C2CD2: variants seen among roughly 807,000 people sequenced by gnomAD.
C2CD2 encodes C2 domain-containing protein 2.
Under a neutral mutation model 74.3 loss-of-function variants are expected in C2CD2, and 43 were observed. That is an observed-to-expected ratio of 0.58 (90% CI 0.45 to 0.75). The LOEUF (loss-of-function observed/expected upper bound fraction) is 0.75, where lower values mean the gene tolerates loss of function less well. Ranked by LOEUF, C2CD2 falls within the 30% of genes least tolerant of loss-of-function variation. The probability of loss-of-function intolerance (pLI) is 0.00; values close to 1 mark genes in which losing one functional copy is unlikely to be tolerated. For missense variants in C2CD2, 801 were observed against 916.3 expected, an observed-to-expected ratio of 0.87 and a Z score of 1.63; for synonymous variants, 422 against 390.7, an observed-to-expected ratio of 1.08 and a Z score of -0.94.
Position 41,901,718 on chromosome 21 carries a change from C to A in C2CD2, c.1464G>T (p.Val488=). Reference sequence around the variant, plus strand: ...TGAGCTGTCGAATGGCCACTTCAGCCACTGGATCCGAACCATTCAACACCA... The same window carrying A: ...TGAGCTGTCGAATGGCCACTTCAGCAACTGGATCCGAACCATTCAACACCA... ...ELLVLNGSDP[V]AEVAIRQLSE... The change falls in exon 12 of 14, where the codon GTG becomes GTT. Residue 488 remains valine (V), a synonymous_variant. Coordinates refer to ENST00000380486, the MANE Select transcript of C2CD2 (RefSeq NM_015500.2). 1 of 1,613,964 alleles carries A rather than the reference C, an allele frequency of 6.2e-7. No homozygotes were observed.
chr21:41,894,235 C>T (rs558953626), intron 13 of C2CD2, among the ~76,000 whole-genome samples: 1 of 152,320 alleles, frequency 6.6e-6, no homozygotes, highest in African/African-American at 2.4e-5. Flanking sequence ...TATTCCCCAG[C>T]CGCCTCTGAG....
chr21:41,947,139 T>TCTCTCC (rs1365076208), intron 1 of C2CD2, among the ~76,000 whole-genome samples: 1 of 122,286 alleles, frequency 8.2e-6, no homozygotes, highest in Non-Finnish European at 1.7e-5. Flanking sequence ...TCTCTCTCTC[T>TCTCTCC]CCCTCCCTCC....
At position 41,936,649 on chromosome 21, in the gene C2CD2, A is replaced by AT. The variant is rs930914601; in HGVS notation, c.378+5497dup. 7.3e-5 allele frequency among the ~76,000 whole-genome samples: 11 copies of AT among 151,620 alleles called. 1 individual carries two copies. The highest frequency in any genetic ancestry group is 1.5e-4 in the African/African-American group (6 of 41,082). On this transcript the variant is annotated intron_variant, in intron 2 of 13. Coordinates refer to ENST00000380486, the MANE Select transcript of C2CD2 (RefSeq NM_015500.2). Reference sequence around the variant, plus strand: ...ACTGCACAGGTCCACTAATACATAGATTTTTTCCCACCTCTGCCACCCCTG... The same window carrying AT: ...ACTGCACAGGTCCACTAATACATAGATTTTTTTCCCACCTCTGCCACCCCTG...
Position 41,953,645 on chromosome 21 carries a change from C to A in C2CD2, c.4G>T (p.Ala2Ser). ...AGCCACGAGCCCAGCCGGGCCATGG[C>A]CATGGCGCATCCCCGGCCCGCCTCG... MAMARLGSWLGE... is the reference protein window; with the variant it reads MSMARLGSWLGE... The change falls in exon 1 of 14, where the codon GCC (alanine) becomes TCC (serine). Residue 2 changes from alanine to serine, a missense_variant. Transcript: ENST00000380486. 6.9e-7 allele frequency: 1 copy of A among 1,453,986 alleles called. No homozygotes were observed. The highest frequency in any genetic ancestry group is 2.7e-5 in the Admixed American group (1 of 37,508). The allele number at this position is 1,453,986 out of a possible 1,614,324, so 90.1% of individuals were successfully genotyped here.
At chr21:41,930,396 T>C (rs945133264) in intron 2 of C2CD2, among the ~76,000 whole-genome samples, 2 of 150,140 alleles carry the variant, frequency 1.3e-5, no homozygotes, top group Non-Finnish European at 3.0e-5. Context: ...TCATACTCTT[T>C]TTCTTAGAAA....
rs755383146 is a variant in C2CD2, at chr21:41,889,392, G to A, written c.1871-48C>T. On this transcript the variant is annotated intron_variant, in intron 13 of 13. Coordinates refer to ENST00000380486, the MANE Select transcript of C2CD2 (RefSeq NM_015500.2). Reference sequence around the variant, plus strand: ...CTGGTCAAGTGGGCAGGGAATGAGGGGCTGAATGACTGGTCCAATCGGACA... The same window carrying A: ...CTGGTCAAGTGGGCAGGGAATGAGGAGCTGAATGACTGGTCCAATCGGACA... 1.5e-5 allele frequency: 20 copies of A among 1,308,622 alleles called. 1 individual carries two copies. The South Asian group carries it at 2.3e-4, about 15-fold the overall frequency. 81.1% of individuals were successfully genotyped at this position (1,308,622 alleles called of 1,614,324 possible).
intron 2 of C2CD2, among the ~76,000 whole-genome samples, chr21:41,928,665 G>C (rs2065237490): frequency 6.6e-6 from 1 of 151,806 alleles, no homozygotes; most frequent in East Asian, 1.9e-4. Context: ...AGCCCCCTGA[G>C]TTATGGACAG....
In C2CD2 at chr21:41,886,780, TTC is replaced by T. The variant is rs1423640763; in HGVS notation, c.*2342_*2343del. The T allele has an allele frequency of 6.6e-6, 1 of 150,702 alleles. No individual in the cohort carries two copies. The highest frequency in any genetic ancestry group is 6.6e-5 in the Admixed American group (1 of 15,046). The allele number at this position is 150,702 out of a possible 1,614,324, so 9.3% of individuals were successfully genotyped here. ...TGGGTGGATCACCTGAGGTCAGGAGTTCGAGACCAGCCTGACCAACATGGTGA... is the reference window on the plus strand; with the variant it reads ...TGGGTGGATCACCTGAGGTCAGGAGTGAGACCAGCCTGACCAACATGGTGA... On this transcript the variant is annotated 3_prime_UTR_variant, in exon 14 of 14. Coordinates refer to ENST00000380486, the MANE Select transcript of C2CD2 (RefSeq NM_015500.2).
chr21:41,904,332 G>A (rs951616755), intron 11 of C2CD2, among the ~76,000 whole-genome samples: 1 of 12,444 alleles, frequency 8.0e-5, no homozygotes, highest in Non-Finnish European at 1.6e-4. Context: ...GCCGCCCCTC[G>A]TAGAAAACTC....
At chr21:41,921,940 T>C in intron 3 of C2CD2, 32 bp downstream of exon 3, 1 of 1,327,574 alleles carries the variant, frequency 7.5e-7, no homozygotes, top group South Asian at 1.2e-5. Context: ...CTGTGACGGG[T>C]CTCATAACTT....
In C2CD2 at chr21:41,907,028, G is replaced by C; in HGVS notation, c.1282C>G (p.Arg428Gly). The C allele has an allele frequency of 6.2e-7, 1 of 1,614,082 alleles. No homozygotes were observed. Among genetic ancestry groups the C allele is most frequent in the Non-Finnish European group, 8.5e-7 (1 of 1,179,968 alleles). ...GGGGACGCCCTCCCCACGTCGACGC[G>C]AGGCTTGGTCTTCACAGCAGTGACA... ...TTVTAVKTKP[R>G]VDVGRASPLS... Residue 428 changes from arginine (R) to glycine (G), a missense_variant, in exon 10 of 14, where the codon CGC (arginine) becomes GGC (glycine). Arg to Gly is a moderately radical substitution (Grantham distance 125). Coordinates refer to ENST00000380486, the MANE Select transcript of C2CD2 (RefSeq NM_015500.2).
intron 11 of C2CD2, among the ~76,000 whole-genome samples, chr21:41,905,310 CTTTTTTTTT>C (rs137969894): frequency 2.4e-5 from 3 of 125,354 alleles, no homozygotes; most frequent in Non-Finnish European, 5.0e-5. Flanking sequence ...CAAATCAAAA[CTTTTTTTTT>C]TTTTTTTTTT....
chr21:41,927,030 T>C (rs1248934208), intron 2 of C2CD2, among the ~76,000 whole-genome samples: 1 of 152,208 alleles, frequency 6.6e-6, no homozygotes, highest in Non-Finnish European at 1.5e-5. Context: ...ATGAACTGGA[T>C]ATAAAATACT....
chr21:41,943,004 A>G (rs986235012), intron 1 of C2CD2: 6 of 959,928 alleles, frequency 6.3e-6, no homozygotes, highest in Non-Finnish European at 7.4e-6. Context: ...CTTCCAGTTA[A>G]AAATCTCCAA....
chr21:41,943,769 A>G (rs1302436031), intron 1 of C2CD2, among the ~76,000 whole-genome samples: 1 of 152,186 alleles, frequency 6.6e-6, no homozygotes, highest in Non-Finnish European at 1.5e-5. Flanking sequence ...GGGACAGAAC[A>G]TTTTGATTTA....
intron 2 of C2CD2, among the ~76,000 whole-genome samples, chr21:41,937,128 C>A (rs1247890451): frequency 7.0e-6 from 1 of 142,490 alleles, no homozygotes; most frequent in African/African-American, 2.6e-5. Flanking sequence ...ATTTTTTTTT[C>A]TTTTTTTGAG....
intron 3 of C2CD2, 24 bp from the exon 4 acceptor site, chr21:41,918,984 G>C (rs1269396577): frequency 2.6e-6 from 4 of 1,549,582 alleles, no homozygotes; most frequent in Non-Finnish European, 3.6e-6. Flanking sequence ...AGTTATTAGA[G>C]GGCCACTCTT....
Position 41,890,159 on chromosome 21 carries a change from T to A in C2CD2, c.1871-815A>T, listed in dbSNP as rs528618583. On this transcript the variant is annotated intron_variant, in intron 13 of 13. Coordinates refer to ENST00000380486, the MANE Select transcript of C2CD2 (RefSeq NM_015500.2). The stretch of plus-strand genomic sequence containing the variant: ...CTTTCTTAGGAATGTTAAATAATAT[T>A]TGCTCTTTTGGGAATAAGATTTTAT... 2.0e-5 allele frequency among the ~76,000 whole-genome samples: 3 copies of A among 152,312 alleles called. No homozygotes were observed. The South Asian group carries it at 6.2e-4, about 32-fold the overall frequency.
Position 41,892,299 on chromosome 21 carries a change from C to G in C2CD2, c.1871-2955G>C, listed in dbSNP as rs1423416775. 6.6e-6 allele frequency among the ~76,000 whole-genome samples: 1 copy of G among 152,128 alleles called. No individual in the cohort carries two copies. Among genetic ancestry groups the G allele is most frequent in the Non-Finnish European group, 1.5e-5 (1 of 68,026 alleles). ...CTGTCAGGAGCTGGAGAGGCGGGAG[C>G]AGGCTCTCCCACAGGGCCTCAGAAA... On this transcript the variant is annotated intron_variant, in intron 13 of 13. Coordinates refer to ENST00000380486, the MANE Select transcript of C2CD2 (RefSeq NM_015500.2). This position sits in a 1 kb window ranked among gnomAD's most constrained non-coding sequence, Gnocchi z 4.6.
Sources: gnomAD v4.1 joint callset for allele counts (sites outside exome capture counted in the v4.1 genomes callset) on GRCh38, gnomAD v4.1.1 for gene constraint, Gnocchi (gnomAD v3.1) non-coding constraint, MANE v1.5 for transcripts, NCBI Gene and HGNC (gene_info 2026-07-23, HGNC 2026-07-21) for gene names.